STK33: variants seen among roughly 807,000 people sequenced by gnomAD.
STK33 encodes serine/threonine kinase 33.
In STK33, 52 loss-of-function variants were observed where a neutral mutation model predicts 58.0. The ratio of observed to expected loss-of-function variants is 0.90; its 90% CI spans 0.72 to 1.13. STK33 has a LOEUF of 1.13. STK33 is among the 50% of genes most tolerant of loss of function. STK33 has a pLI of 0.00. For synonymous variants in STK33, 215 were observed against 200.1 expected (o/e 1.07, Z -0.63); for missense variants, 630 against 604.2 (o/e 1.04, Z -0.45).
chr11:8,439,861 T>C (rs1944502141), intron 12 of STK33, among the ~76,000 whole-genome samples: 1 of 71,928 alleles, frequency 1.4e-5, no homozygotes, highest in Non-Finnish European at 2.9e-5. Context: ...ATATATATTA[T>C]ATTATAATTA....
At chr11:8,488,479 C>CT (rs1282399217) in intron 1 of STK33, among the ~76,000 whole-genome samples, 7 of 151,996 alleles carry the variant, frequency 4.6e-5, no homozygotes, top group African/African-American at 1.7e-4. Flanking sequence ...GAAGTGAAGG[C>CT]TAAGGTAAGT....
chr11:8,563,736 G>C (rs1344569722), intron 1 of STK33, among the ~76,000 whole-genome samples: 1 of 152,132 alleles, frequency 6.6e-6, no homozygotes, highest in Non-Finnish European at 1.5e-5. Flanking sequence ...AAAACACCTG[G>C]AAAATAATGT....
intron 1 of STK33, among the ~76,000 whole-genome samples, chr11:8,519,314 C>A (rs1953146448): frequency 6.6e-6 from 1 of 152,110 alleles, no homozygotes; most frequent in Non-Finnish European, 1.5e-5. Flanking sequence ...ACACAACACA[C>A]CAGAATCTCT....
Position 8,511,760 on chromosome 11 carries a change from G to T in STK33, c.-465-31146C>A, listed in dbSNP as rs139660211. 4.3e-3 allele frequency among the ~76,000 whole-genome samples: 650 copies of T among 152,076 alleles called. 17 individuals carry two copies. The highest frequency in any genetic ancestry group is 0.041 in the Admixed American group (623 of 15,268). On this transcript the variant is annotated intron_variant, in intron 1 of 15. Coordinates refer to ENST00000687296, the MANE Select transcript of STK33 (RefSeq NM_001352389.2). ...CGATATGATTTTTGTTTTTAATTCT[G>T]TTTATGTGATATATCACATTTACTG... is the stretch of plus-strand genomic sequence containing the variant.
chr11:8,535,088 C>T (rs990998876), intron 1 of STK33, among the ~76,000 whole-genome samples: 5 of 152,010 alleles, frequency 3.3e-5, no homozygotes, highest in Admixed American at 6.6e-5. Flanking sequence ...ACAAAATAGA[C>T]GAGAGAACAT....
the STK33 span, among the ~76,000 whole-genome samples, chr11:8,368,100 G>A: frequency 2.6e-5 from 4 of 152,168 alleles, no homozygotes; most frequent in South Asian, 8.3e-4. Flanking sequence ...AGCAGAGGGC[G>A]GGATCCTCCC....
At chr11:8,582,177 C>G (rs934750100) in intron 1 of STK33, among the ~76,000 whole-genome samples, 2 of 152,128 alleles carry the variant, frequency 1.3e-5, no homozygotes, top group Non-Finnish European at 2.9e-5. Context: ...CTTAACAGAG[C>G]TGTATTTTTA....
intron 1 of STK33, among the ~76,000 whole-genome samples, chr11:8,524,516 A>C (rs1953859944): frequency 6.6e-6 from 1 of 152,156 alleles, no homozygotes; most frequent in Admixed American, 6.5e-5. Context: ...AATATATGAA[A>C]ATGTGCTCAA....
At chr11:8,499,768 C>T (rs1397624223) in intron 1 of STK33, among the ~76,000 whole-genome samples, 3 of 152,038 alleles carry the variant, frequency 2.0e-5, no homozygotes, top group East Asian at 1.9e-4. Flanking sequence ...ATGTCCTTTG[C>T]AGGGACATGG....
chr11:8,381,973 G>A, the STK33 span, among the ~76,000 whole-genome samples: 2 of 152,072 alleles, frequency 1.3e-5, no homozygotes, highest in Non-Finnish European at 2.9e-5. Context: ...AATCTCTGCT[G>A]AGACCTCCTT....
chr11:8,517,885 G>A (rs1952958479), intron 1 of STK33, among the ~76,000 whole-genome samples: 1 of 152,092 alleles, frequency 6.6e-6, no homozygotes, highest in Admixed American at 6.6e-5. Flanking sequence ...GAAAGTGAAG[G>A]GAAGAATGGA....
intron 12 of STK33, among the ~76,000 whole-genome samples, chr11:8,438,965 T>C (rs973014551): frequency 7.9e-5 from 12 of 152,190 alleles, no homozygotes; most frequent in African/African-American, 2.9e-4. Context: ...AATCACATCA[T>C]CCAATTTCTA....
At chr11:8,522,048 C>A (rs970018432) in intron 1 of STK33, among the ~76,000 whole-genome samples, 12 of 152,176 alleles carry the variant, frequency 7.9e-5, no homozygotes, top group Admixed American at 6.5e-5. Flanking sequence ...CTAGCTCAAC[C>A]AATGTGGAAG....
chr11:8,540,445 T>C (rs1955416148), intron 1 of STK33, among the ~76,000 whole-genome samples: 1 of 152,046 alleles, frequency 6.6e-6, no homozygotes, highest in African/African-American at 2.4e-5. Flanking sequence ...ACCACTGCAC[T>C]CTAGCCTGGG....
At chr11:8,490,293 G>A (rs1032284782) in intron 1 of STK33, among the ~76,000 whole-genome samples, 2 of 152,216 alleles carry the variant, frequency 1.3e-5, no homozygotes, top group African/African-American at 4.8e-5. Context: ...TAGGTCCTAC[G>A]CCTATGGAGC....
intron 14 of STK33, among the ~76,000 whole-genome samples, 158 bp downstream of exon 14, chr11:8,435,336 C>A (rs1267493716): frequency 1.3e-5 from 2 of 152,042 alleles, no homozygotes; most frequent in Non-Finnish European, 2.9e-5. Flanking sequence ...TTTGAAAATG[C>A]CCATTTTCAG....
intron 1 of STK33, among the ~76,000 whole-genome samples, chr11:8,489,684 T>C (rs1180454427): frequency 6.6e-6 from 1 of 152,208 alleles, no homozygotes; most frequent in Non-Finnish European, 1.5e-5. Context: ...TCCTAACTCT[T>C]AATACTGTTA....
chr11:8,462,390 T>A lies in STK33; in HGVS notation c.454-481A>T, dbSNP rs758650572. On this transcript the variant is annotated intron_variant, in intron 7 of 15. Coordinates refer to ENST00000687296, the MANE Select transcript of STK33 (RefSeq NM_001352389.2). ...CTGTTGTCTTGTTTTGATTTGATTA[T>A]ATATATATATACATATATATACACA... Among the ~76,000 whole-genome samples the A allele has an allele frequency of 7.8e-5, 10 of 127,784 alleles. No individual in the cohort carries two copies. The East Asian group carries it at 2.2e-3, about 28-fold the overall frequency. 83.8% of individuals were successfully genotyped at this position (127,784 alleles called of 152,430 possible).
At chr11:8,586,365 T>C in intron 1 of STK33, among the ~76,000 whole-genome samples, 1 of 152,164 alleles carries the variant, frequency 6.6e-6, no homozygotes, top group Non-Finnish European at 1.5e-5. Context: ...TACATGCTTT[T>C]CCACCTCTAG....
Sources: allele counts gnomAD v4.1 joint callset (sites outside exome capture counted in the v4.1 genomes callset), GRCh38; gene constraint gnomAD v4.1.1; transcripts MANE v1.5; gene names NCBI Gene and HGNC (gene_info 2026-07-23, HGNC 2026-07-21).